Variants in SCN10A observed in about 807,000 individuals in gnomAD.
SCN10A encodes the protein sodium voltage-gated channel alpha subunit 10, also known as sodium channel protein type 10 subunit alpha.
Under a neutral mutation model 170.7 loss-of-function variants are expected in SCN10A, and 162 were observed. The observed-to-expected ratio is 0.95, with a 90% CI of 0.84 to 1.08. The LOEUF is 1.08. SCN10A is among the 50% of genes least tolerant of loss of function. SCN10A has a pLI of 0.00. For missense variants in SCN10A, 2,527 were observed against 2,436.9 expected (o/e 1.04, Z -0.78); for synonymous variants, 985 against 904.6 (o/e 1.09, Z -1.59).
At position 38,741,305 on chromosome 3, in the gene SCN10A, C is replaced by T. The variant is rs1032433434; in HGVS notation, c.2106+986G>A. Among the ~76,000 whole-genome samples the T allele has an allele frequency of 8.5e-5, 13 of 152,122 alleles. 1 individual carries two copies. In the South Asian group the frequency reaches 2.3e-3, roughly 27 times the overall value. ...GTGTGTTTGAACACACACACACACACACACACACACACACACACGCAAGTC... is the reference window on the plus strand; with the variant it reads ...GTGTGTTTGAACACACACACACACATACACACACACACACACACGCAAGTC... On this transcript the variant is annotated intron_variant, in intron 14 of 27. Transcript: ENST00000449082.
At chr3:38,734,117 A>C (rs920516972) in intron 15 of SCN10A, among the ~76,000 whole-genome samples, 2 of 152,142 alleles carry the variant, frequency 1.3e-5, no homozygotes, top group Admixed American at 1.3e-4. Flanking sequence ...TGTCTCTGGG[A>C]TTCAAGCAAT....
intron 27 of SCN10A, among the ~76,000 whole-genome samples, chr3:38,700,544 T>C (rs906698099): frequency 4.2e-4 from 64 of 152,182 alleles, no homozygotes; most frequent in African/African-American, 1.5e-3. Flanking sequence ...TGTATACTTA[T>C]CTCCAAACTC....
chr3:38,778,493 C>T (rs2064101752), intron 4 of SCN10A, among the ~76,000 whole-genome samples: 1 of 151,832 alleles, frequency 6.6e-6, no homozygotes, highest in South Asian at 2.1e-4. Context: ...CTTTATCTTT[C>T]CACAAGCAGA....
intron 20 of SCN10A, 54 bp downstream of exon 20, chr3:38,722,204 T>G (rs946473161): frequency 5.2e-6 from 8 of 1,551,144 alleles, no homozygotes; most frequent in Non-Finnish European, 5.3e-6. Context: ...GCCTTTGGAT[T>G]GTAGGAGATT....
rs765984332 is a variant in SCN10A, at chr3:38,714,058, G to T, written c.3704C>A (p.Ala1235Glu). Residue 1235 changes from alanine to glutamate, a missense_variant, in exon 22 of 28, where the codon GCG becomes GAG. By Grantham distance (107) the Ala-to-Glu change is moderately radical (BLOSUM62 -1). Transcript: ENST00000449082. ...CACTTCAGAATATTCCAGAATCTTC[G>T]CTGTGAGACTTATCAGTGAGATCTG... ...IVNISLISLT[A>E]KILEYSEVAP... 6.2e-7 allele frequency: 1 copy of T among 1,614,146 alleles called. No individual in the cohort carries two copies. The highest frequency in any genetic ancestry group is 1.1e-5 in the South Asian group (1 of 91,076).
intron 12 of SCN10A, among the ~76,000 whole-genome samples, chr3:38,750,965 C>T (rs1026860354): frequency 6.6e-6 from 1 of 152,162 alleles, no homozygotes; most frequent in Non-Finnish European, 1.5e-5. Context: ...TTGGTGATTC[C>T]ATTTGCCCTG....
intron 3 of SCN10A, among the ~76,000 whole-genome samples, chr3:38,789,380 T>C (rs1006757011): frequency 6.6e-6 from 1 of 152,154 alleles, no homozygotes; most frequent in African/African-American, 2.4e-5. Flanking sequence ...TAACAAACTC[T>C]GAGCAAGATA....
Position 38,763,522 on chromosome 3 carries a change from G to C in SCN10A, c.674C>G (p.Thr225Arg). 1 of 1,613,826 alleles carries C rather than the reference G, an allele frequency of 6.2e-7. No individual in the cohort carries two copies. The change falls in exon 6 of 28, where the codon ACA (threonine) becomes AGA (arginine). Residue 225 changes from threonine (T) to arginine (R), a missense_variant. Coordinates refer to ENST00000449082, the MANE Select transcript of SCN10A (RefSeq NM_006514.4). ...ATGCTCACCTGGGATCACAGAAACT[G>C]TTTTTAATGCTCTAAGAACTCTGAA... ...RTFRVLRALK[T>R]VSVIPGLKVI...
At chr3:38,811,075 C>T (rs763545817) in intron 1 of SCN10A, among the ~76,000 whole-genome samples, 1 of 152,194 alleles carries the variant, frequency 6.6e-6, no homozygotes, top group African/African-American at 2.4e-5. Flanking sequence ...AATCCCCACT[C>T]TACAAATTAC....
At chr3:38,799,876 T>G (rs764951289) in intron 1 of SCN10A, among the ~76,000 whole-genome samples, 1 of 152,138 alleles carries the variant, frequency 6.6e-6, no homozygotes, top group Non-Finnish European at 1.5e-5. Flanking sequence ...GATTTTAAAA[T>G]TGTTCGCTGG....
intron 24 of SCN10A, 128 bp downstream of exon 24, chr3:38,710,716 A>T: frequency 2.4e-6 from 2 of 822,714 alleles, no homozygotes. Context: ...GCAAGGAGGG[A>T]CAGTGTGAGG....
rs77343365 is a variant in SCN10A at position 38,799,080 on chromosome 3, C to T, written c.-32-5038G>A. On this transcript the variant is annotated intron_variant, in intron 1 of 27. Coordinates refer to ENST00000449082, the MANE Select transcript of SCN10A (RefSeq NM_006514.4). ...TTCTGGCATGAGCCACTGTGCCCAG[C>T]CCCTTTTGCCTTCTTAATATCAGGT... 3.5e-3 allele frequency among the ~76,000 whole-genome samples: 528 copies of T among 152,258 alleles called. 6 individuals are homozygous for T. The highest frequency in any genetic ancestry group is 0.012 in the African/African-American group (496 of 41,560).
chr3:38,740,414 C>A (rs1035260552), intron 14 of SCN10A, among the ~76,000 whole-genome samples: 19 of 152,344 alleles, frequency 1.2e-4, no homozygotes, highest in Admixed American at 9.8e-4. Flanking sequence ...ATCTTTTTAT[C>A]TGAGCCCCTC....
chr3:38,744,833 T>C (rs1375890904), intron 13 of SCN10A, among the ~76,000 whole-genome samples: 3 of 152,264 alleles, frequency 2.0e-5, no homozygotes, highest in Non-Finnish European at 2.9e-5. Context: ...TATGTTCATG[T>C]GTTTTCATAT....
chr3:38,750,127 A>G lies in SCN10A; in HGVS notation c.1813T>C (p.Phe605Leu). ...ACACTCATTGCCCTTTGGGCCCGGA[A>G]AGGTTCATCTAAGTATTCTGCTGAC... is the stretch of plus-strand genomic sequence containing the variant. ...FLSAEYLDEP[F>L]RAQRAMSVVS... Residue 605 changes from phenylalanine to leucine, a missense_variant, in exon 13 of 28, where the codon TTC (phenylalanine) becomes CTC (leucine). By Grantham distance (22) the Phe-to-Leu change is conservative (BLOSUM62 0). Transcript: ENST00000449082. 3 of 1,613,388 alleles carry G rather than the reference A, an allele frequency of 1.9e-6. No homozygotes were observed. Among genetic ancestry groups the G allele is most frequent in the Non-Finnish European group, 2.5e-6 (3 of 1,179,588 alleles).
intron 1 of SCN10A, 75 bp downstream of exon 1, chr3:38,815,962 G>C (rs1009793917): frequency 6.6e-6 from 1 of 152,138 alleles, no homozygotes; most frequent in Non-Finnish European, 1.5e-5. Flanking sequence ...AATAAAATCT[G>C]TAATCCCCCT....
chr3:38,701,952 A>T lies in SCN10A; in HGVS notation c.4544T>A (p.Phe1515Tyr), dbSNP rs573852888. ...TKILGKINQF[F>Y]VAVFTGECVM... ...ACATTCGCCTGTGAAGACGGCCACAAAGAACTGGTTGATTTTGCCCAGAAT... is the reference window on the plus strand; with the variant it reads ...ACATTCGCCTGTGAAGACGGCCACATAGAACTGGTTGATTTTGCCCAGAAT... The change falls in exon 27 of 28, where the codon TTT becomes TAT. Residue 1515 changes from phenylalanine (F) to tyrosine (Y), a missense_variant. Coordinates refer to ENST00000449082, the MANE Select transcript of SCN10A (RefSeq NM_006514.4). 1 of 1,614,140 alleles carries T rather than the reference A, an allele frequency of 6.2e-7. No individual in the cohort carries two copies. The highest frequency in any genetic ancestry group is 1.3e-5 in the African/African-American group (1 of 75,032).
chr3:38,775,255 C>T (rs2064058810), intron 4 of SCN10A, among the ~76,000 whole-genome samples: 4 of 152,088 alleles, frequency 2.6e-5, no homozygotes, highest in Non-Finnish European at 5.9e-5. Context: ...CATTCCCCCT[C>T]TCTGGCAACT....
chr3:38,707,294 G>A lies in SCN10A; in HGVS notation c.4371C>T (p.Pro1457=). ...TGGGGCTCACCAGGGGCCGTGGGAT[G>A]GGCTTCTGGGGCTTCTTGGAGCCCA... The part of the protein sequence containing the change: ...KKLGSKKPQK[P]IPRPLNKFQG... Residue 1457 remains proline, a synonymous_variant, in exon 26 of 28, where the codon CCC becomes CCT. Transcript: ENST00000449082. 3 of 1,614,004 alleles carry A rather than the reference G, an allele frequency of 1.9e-6. No homozygotes were observed. The highest frequency in any genetic ancestry group is 2.5e-6 in the Non-Finnish European group (3 of 1,179,996).
Sources: allele counts gnomAD v4.1 joint callset (sites outside exome capture counted in the v4.1 genomes callset), GRCh38; gene constraint gnomAD v4.1.1; transcripts MANE v1.5; gene names NCBI Gene and HGNC (gene_info 2026-07-23, HGNC 2026-07-21).